RNF144A: variants seen among roughly 807,000 people sequenced by gnomAD.
RNF144A encodes E3 ubiquitin-protein ligase RNF144A.
Under a neutral mutation model 38.7 loss-of-function variants are expected in RNF144A, and 11 were observed. The ratio of observed to expected loss-of-function variants is 0.28; its 90% confidence interval spans 0.18 to 0.47. The LOEUF (loss-of-function observed/expected upper bound fraction) is 0.47. Ranked by LOEUF, RNF144A falls within the 20% of genes least tolerant of loss-of-function variation. RNF144A has a pLI of 0.99. For synonymous variants in RNF144A, 149 were observed against 143.9 expected (o/e 1.04, Z -0.25); for missense variants, 316 against 377.2 (o/e 0.84, Z 1.34).
chr2:6,962,555 T>C lies in RNF144A; in HGVS notation c.-12+21408T>C, dbSNP rs976272454. On this transcript the variant is annotated intron_variant, in intron 2 of 8. Coordinates refer to ENST00000320892, the MANE Select transcript of RNF144A (RefSeq NM_014746.6). The surrounding 1 kb of genome is among the most constrained non-coding windows in gnomAD (Gnocchi z 4.1). ...TTCTTTCTACCTCCCATATCAAAACTTTGTGCTATTTAGCCTTCTGACTGA... is the reference window on the plus strand; with the variant it reads ...TTCTTTCTACCTCCCATATCAAAACCTTGTGCTATTTAGCCTTCTGACTGA... Among the ~76,000 whole-genome samples the C allele has an allele frequency of 8.5e-5, 13 of 152,216 alleles. No homozygotes were observed. Among genetic ancestry groups the C allele is most frequent in the Admixed American group, 1.3e-4 (2 of 15,284 alleles).
chr2:7,007,362 A>G (rs1279696240), intron 3 of RNF144A, among the ~76,000 whole-genome samples: 2 of 152,230 alleles, frequency 1.3e-5, no homozygotes, highest in African/African-American at 4.8e-5. Context: ...TCACACGATT[A>G]CAACTTAACC....
At position 7,041,385 on chromosome 2, in the gene RNF144A, A is replaced by C; in HGVS notation, c.*1625A>C. The C allele has an allele frequency of 3.0e-6, 3 of 985,886 alleles. No individual in the cohort carries two copies. Among genetic ancestry groups the C allele is most frequent in the Non-Finnish European group, 3.6e-6 (3 of 829,930 alleles). The allele number at this position is 985,886 out of a possible 1,614,324, so 61.1% of individuals were successfully genotyped here. A position where few individuals can be genotyped will look rare whatever the true frequency, so the allele number is the denominator to read the frequency against. ...AGCGTCACCTCACTCTTCACCTGTC[A>C]TGTTGATTTTCCTTATGAACCCGAA... On this transcript the variant is annotated 3_prime_UTR_variant, in exon 9 of 9. Transcript: ENST00000320892.
chr2:7,050,161 C>G (rs1453491483), intron 6 of RNF144A, among the ~76,000 whole-genome samples: 1 of 152,124 alleles, frequency 6.6e-6, no homozygotes, highest in African/African-American at 2.4e-5. Flanking sequence ...TGTCCCCACC[C>G]AAATCTCACT....
rs187220655 is a variant in RNF144A, at chr2:6,954,657, C to T, written c.-12+13510C>T. Reference sequence around the variant, plus strand: ...GAGCATCAAAGAAGATGGGAACTCTCCACTGATAGGTTTTTCATGACACTT... The same window carrying T: ...GAGCATCAAAGAAGATGGGAACTCTTCACTGATAGGTTTTTCATGACACTT... On this transcript the variant is annotated intron_variant, in intron 2 of 8. Coordinates refer to ENST00000320892, the MANE Select transcript of RNF144A (RefSeq NM_014746.6). 2.9e-4 allele frequency among the ~76,000 whole-genome samples: 44 copies of T among 152,284 alleles called. No homozygotes were observed. The East Asian group carries it at 7.9e-3, about 27-fold the overall frequency.
At chr2:7,057,489 C>A (rs1219425044) in intron 6 of RNF144A, among the ~76,000 whole-genome samples, 9 of 152,208 alleles carry the variant, frequency 5.9e-5, no homozygotes, top group Non-Finnish European at 1.2e-4. Flanking sequence ...ATCCTCAATT[C>A]ATTTGCTAGC....
intron 6 of RNF144A, among the ~76,000 whole-genome samples, chr2:7,066,126 T>C (rs750677791): frequency 1.3e-4 from 20 of 152,242 alleles, no homozygotes; most frequent in Admixed American, 9.2e-4. Context: ...CTCACTCTGT[T>C]GCCCAGGCTG....
intron 7 of RNF144A, among the ~76,000 whole-genome samples, chr2:7,028,506 G>A (rs947138230): frequency 6.6e-6 from 1 of 152,176 alleles, no homozygotes; most frequent in Non-Finnish European, 1.5e-5. Flanking sequence ...ATGTCTGCTC[G>A]CAGAGGTCAG....
chr2:7,016,551 G>GT (rs1463142405), intron 5 of RNF144A, among the ~76,000 whole-genome samples: 3 of 129,886 alleles, frequency 2.3e-5, no homozygotes, highest in Non-Finnish European at 5.2e-5. Flanking sequence ...CTTGGCTTCT[G>GT]TTAAAAAAAA....
At chr2:7,009,951 C>G (rs1670686818) in intron 3 of RNF144A, among the ~76,000 whole-genome samples, 1 of 152,200 alleles carries the variant, frequency 6.6e-6, no homozygotes, top group Non-Finnish European at 1.5e-5. Context: ...TTCCATTCAC[C>G]CTCTATCTGC....
chr2:7,008,516 G>A lies in RNF144A; in HGVS notation c.136-5938G>A, dbSNP rs534719160. Among the ~76,000 whole-genome samples the A allele has an allele frequency of 1.6e-4, 24 of 152,268 alleles. 1 individual carries two copies. The South Asian group carries it at 3.7e-3, about 24-fold the overall frequency. On this transcript the variant is annotated intron_variant, in intron 3 of 8. Transcript: ENST00000320892. ...GATGACACAGGCCCCCTCCCGACAC[G>A]GTGCACTCTCCACTGCCTGCAGGAG... is the stretch of plus-strand genomic sequence containing the variant.
chr2:6,944,453 AG>A lies in RNF144A; in HGVS notation c.-12+3308del, dbSNP rs201329298. Reference sequence around the variant, plus strand: ...TGGTGATACTGGGAAGGCATTGCTAAGGTGTCACGGTTGCATTTCCTGGCTG... The same window carrying A: ...TGGTGATACTGGGAAGGCATTGCTAAGTGTCACGGTTGCATTTCCTGGCTG... On this transcript the variant is annotated intron_variant, in intron 2 of 8. Transcript: ENST00000320892. The surrounding 1 kb of genome is among the most constrained non-coding windows in gnomAD (Gnocchi z 4.7). Among the ~76,000 whole-genome samples the A allele has an allele frequency of 0.013, 1,949 of 152,202 alleles. 20 individuals are homozygous for A. The highest frequency in any genetic ancestry group is 0.037 in the Middle Eastern group (11 of 294).
intron 3 of RNF144A, 88 bp downstream of exon 3, chr2:6,997,149 G>A: frequency 7.4e-7 from 1 of 1,349,906 alleles, no homozygotes; most frequent in Non-Finnish European, 1.1e-6. Context: ...CAAACCTTTG[G>A]ACTACATTTT....
intron 6 of RNF144A, among the ~76,000 whole-genome samples, chr2:7,051,835 A>G (rs1673539738): frequency 6.6e-6 from 1 of 152,108 alleles, no homozygotes; most frequent in African/African-American, 2.4e-5. Context: ...TCCCAGATGA[A>G]GATGTTCTGC....
intron 2 of RNF144A, among the ~76,000 whole-genome samples, chr2:6,968,691 G>GT (rs1667818150): frequency 9.1e-6 from 1 of 109,814 alleles, no homozygotes; most frequent in Admixed American, 8.3e-5. Flanking sequence ...ACCTGTCAAT[G>GT]TGTTTTTTTT....
intron 6 of RNF144A, among the ~76,000 whole-genome samples, chr2:7,054,960 C>T (rs569340781): frequency 6.6e-6 from 1 of 152,298 alleles, no homozygotes; most frequent in South Asian, 2.1e-4. Context: ...CACTGTTCCA[C>T]CCAAACCTCT....
chr2:6,930,860 C>G (rs1408039629), intron 1 of RNF144A, among the ~76,000 whole-genome samples: 1 of 152,132 alleles, frequency 6.6e-6, no homozygotes, highest in Non-Finnish European at 1.5e-5. Flanking sequence ...TCCCAAAGTG[C>G]TTGGATTACA....
At chr2:6,985,268 C>CCTTT (rs1668876011) in intron 2 of RNF144A, among the ~76,000 whole-genome samples, 1 of 128,614 alleles carries the variant, frequency 7.8e-6, no homozygotes, top group Non-Finnish European at 1.6e-5. Context: ...TCCCTCCCCC[C>CCTTT]TCTTTTTTTT....
intron 8 of RNF144A, among the ~76,000 whole-genome samples, chr2:7,036,988 G>A (rs116423004): frequency 0.015 from 2,299 of 152,222 alleles, 55 homozygotes; most frequent in African/African-American, 0.053. Context: ...GAAACTTCAT[G>A]GGAAGGGGTA....
intron 2 of RNF144A, among the ~76,000 whole-genome samples, chr2:6,985,970 G>C (rs914448959): frequency 6.6e-6 from 1 of 152,128 alleles, no homozygotes. Context: ...CACTGTGCCC[G>C]GCCGCATGTT....
Sources: gnomAD v4.1 joint callset for allele counts (sites outside exome capture counted in the v4.1 genomes callset) on GRCh38, gnomAD v4.1.1 for gene constraint, Gnocchi (gnomAD v3.1) non-coding constraint, MANE v1.5 for transcripts, NCBI Gene and HGNC (gene_info 2026-07-23, HGNC 2026-07-21) for gene names.